The following KAZN variants were observed in gnomAD, a reference collection of about 807,000 sequenced individuals.
The protein encoded by KAZN is kazrin, periplakin interacting protein, also known as kazrin.
In KAZN, 40 loss-of-function variants were observed where a neutral mutation model predicts 87.4. The ratio of observed to expected loss-of-function variants is 0.46; its 90% confidence interval spans 0.36 to 0.60. KAZN has a LOEUF of 0.60. Ranked by LOEUF, KAZN falls within the 20% of genes least tolerant of loss-of-function variation. KAZN has a pLI of 0.00. For missense variants in KAZN, 898 were observed against 1,073.9 expected (o/e 0.84, Z 2.29); for synonymous variants, 466 against 458.3 (o/e 1.02, Z -0.22).
intron 2 of KAZN, among the ~76,000 whole-genome samples, chr1:14,254,747 G>A (rs1650350873): frequency 6.6e-6 from 1 of 151,990 alleles, no homozygotes; most frequent in Non-Finnish European, 1.5e-5. Context: ...TTACGTTTCT[G>A]CAGGCTGCAC....
intron 1 of KAZN, among the ~76,000 whole-genome samples, chr1:13,948,009 C>T (rs1396267040): frequency 1.3e-5 from 2 of 152,186 alleles, no homozygotes; most frequent in African/African-American, 2.4e-5. Context: ...CAGTTTAGCT[C>T]ATACCAAGGG....
intron 1 of KAZN, among the ~76,000 whole-genome samples, chr1:14,776,161 G>A (rs1336447826): frequency 2.0e-5 from 3 of 152,020 alleles, no homozygotes; most frequent in Non-Finnish European, 2.9e-5. Flanking sequence ...AGGCTACCAC[G>A]CCTGGCTAAT....
intron 1 of KAZN, among the ~76,000 whole-genome samples, chr1:13,997,157 A>G (rs4391659): frequency 0.15 from 22,068 of 149,820 alleles, 1,710 homozygotes; most frequent in Middle Eastern, 0.23. Context: ...AACAAACAGC[A>G]AAAACAACAC....
intron 1 of KAZN, among the ~76,000 whole-genome samples, chr1:13,950,352 G>A (rs1249932857): frequency 6.6e-6 from 1 of 152,146 alleles, no homozygotes; most frequent in Non-Finnish European, 1.5e-5. Context: ...CTGTCCTTTT[G>A]TACCCATTTC....
chr1:14,955,241 A>G, intron 1 of KAZN, among the ~76,000 whole-genome samples: 1 of 152,258 alleles, frequency 6.6e-6, no homozygotes, highest in African/African-American at 2.4e-5. Context: ...GCAGAGGGGA[A>G]GGTGAGTTGT....
chr1:14,424,543 G>A (rs1665605034), intron 2 of KAZN, among the ~76,000 whole-genome samples: 1 of 152,150 alleles, frequency 6.6e-6, no homozygotes, highest in Non-Finnish European at 1.5e-5. Context: ...GTTGTCCACT[G>A]CACGGCCATT....
chr1:14,866,336 C>T (rs1036842099), intron 1 of KAZN, among the ~76,000 whole-genome samples: 1 of 152,328 alleles, frequency 6.6e-6, no homozygotes, highest in East Asian at 1.9e-4. Flanking sequence ...TGAGTTTTGG[C>T]GAGAGCCCCT....
chr1:14,413,695 CAAAG>C (rs1354720273), intron 2 of KAZN, among the ~76,000 whole-genome samples: 1 of 140,966 alleles, frequency 7.1e-6, no homozygotes, highest in Non-Finnish European at 1.5e-5. Context: ...ACACAAATGA[CAAAG>C]AAAATATGGT....
intron 1 of KAZN, among the ~76,000 whole-genome samples, chr1:14,928,216 C>G (rs6429687): frequency 0.32 from 48,611 of 151,714 alleles, 8,596 homozygotes; most frequent in African/African-American, 0.47. Flanking sequence ...TTTGGGAGGC[C>G]GAGGCGGGCG....
intron 2 of KAZN, among the ~76,000 whole-genome samples, chr1:14,961,120 T>C (rs10927598): frequency 0.087 from 13,294 of 152,260 alleles, 1,907 homozygotes; most frequent in African/African-American, 0.3. Context: ...AGGTGTCTCC[T>C]TCTGGGGTGT....
At chr1:14,361,117 C>A (rs1052166849) in intron 2 of KAZN, among the ~76,000 whole-genome samples, 1 of 152,236 alleles carries the variant, frequency 6.6e-6, no homozygotes, top group East Asian at 1.9e-4. Context: ...GCCTTTCTTT[C>A]AGAGATGCTC....
intron 1 of KAZN, among the ~76,000 whole-genome samples, chr1:14,734,049 C>T (rs1183316948): frequency 1.3e-5 from 2 of 152,190 alleles, no homozygotes; most frequent in African/African-American, 2.4e-5. Context: ...GGGGTTCCCT[C>T]CTGCCGGGTG....
intron 2 of KAZN, among the ~76,000 whole-genome samples, chr1:14,367,721 C>T (rs1660130882): frequency 6.6e-6 from 1 of 152,124 alleles, no homozygotes; most frequent in African/African-American, 2.4e-5. Flanking sequence ...CCTAGACCAG[C>T]TTAGTGCAAA....
intron 2 of KAZN, among the ~76,000 whole-genome samples, chr1:14,521,954 A>C (rs140254333): frequency 5.5e-4 from 84 of 152,330 alleles, no homozygotes; most frequent in African/African-American, 2.0e-3. Context: ...CTGTGGCTAA[A>C]TTTGAAAGAA....
chr1:14,353,470 C>T (rs551588801), intron 2 of KAZN, among the ~76,000 whole-genome samples: 23 of 152,168 alleles, frequency 1.5e-4, no homozygotes, highest in Non-Finnish European at 2.8e-4. Flanking sequence ...CCACCCTCCT[C>T]GGCCTCCCAA....
At position 15,116,350 on chromosome 1, in the gene KAZN, T is replaced by C. The variant is rs551699995; in HGVS notation, c.*1715T>C. ...GAACTTGAGAATTACACCTCTCTCA[T>C]GCCGAAGACCGTGGTGTTCCCCCTA... is the stretch of plus-strand genomic sequence containing the variant. On this transcript the variant is annotated 3_prime_UTR_variant, in exon 15 of 15. Transcript: ENST00000376030. 3 of 152,314 alleles carry C rather than the reference T, an allele frequency of 2.0e-5. No individual in the cohort carries two copies. The highest frequency in any genetic ancestry group is 4.8e-5 in the African/African-American group (2 of 41,562). The allele number at this position is 152,314 out of a possible 1,614,324, so 9.4% of individuals were successfully genotyped here. A position where few individuals can be genotyped will look rare whatever the true frequency, so the allele number is the denominator to read the frequency against.
chr1:14,284,831 G>C (rs1485203733), intron 2 of KAZN, among the ~76,000 whole-genome samples: 1 of 152,194 alleles, frequency 6.6e-6, no homozygotes, highest in Non-Finnish European at 1.5e-5. Context: ...GAGAAACGAA[G>C]TGGCTTCATG....
intron 1 of KAZN, among the ~76,000 whole-genome samples, chr1:13,990,470 A>T (rs1297927451): frequency 1.7e-5 from 2 of 116,246 alleles, no homozygotes; most frequent in Non-Finnish European, 3.5e-5. Context: ...ATTCTGGACT[A>T]GTAAAGCTAA....
chr1:14,169,518 G>C (rs565018985), intron 1 of KAZN, among the ~76,000 whole-genome samples: 2 of 152,280 alleles, frequency 1.3e-5, no homozygotes, highest in African/African-American at 2.4e-5. Context: ...AGAGGGTGCT[G>C]TCCTAGGTTG....
Sources: allele counts gnomAD v4.1 joint callset (sites outside exome capture counted in the v4.1 genomes callset), GRCh38; gene constraint gnomAD v4.1.1; transcripts MANE v1.5; gene names NCBI Gene and HGNC (gene_info 2026-07-23, HGNC 2026-07-21).